Variants in CSGALNACT2 observed in about 807,000 individuals in gnomAD.
CSGALNACT2 encodes the protein chondroitin sulfate N-acetylgalactosaminyltransferase 2.
A neutral mutation model predicts 55.3 loss-of-function variants in CSGALNACT2; 35 were observed. The observed-to-expected ratio is 0.63, with a 90% CI of 0.48 to 0.84. CSGALNACT2 has a LOEUF of 0.84. CSGALNACT2 is among the 40% of genes least tolerant of loss of function. The probability of loss-of-function intolerance (pLI) is 0.00; values close to 1 mark genes in which losing one functional copy is unlikely to be tolerated. For missense variants in CSGALNACT2, 544 were observed against 657.5 expected, an observed-to-expected ratio of 0.83 and a Z score of 1.89; for synonymous variants, 196 against 224.9, an observed-to-expected ratio of 0.87 and a Z score of 1.15.
intron 1 of CSGALNACT2, among the ~76,000 whole-genome samples, chr10:43,141,350 T>C (rs1838617285): frequency 6.6e-6 from 1 of 151,936 alleles, no homozygotes; most frequent in African/African-American, 2.4e-5. Flanking sequence ...CCCGAGTAGC[T>C]GGGACTACAG....
At chr10:43,141,403 A>G (rs1472395062) in intron 1 of CSGALNACT2, among the ~76,000 whole-genome samples, 1 of 44,548 alleles carries the variant, frequency 2.2e-5, no homozygotes, top group East Asian at 2.7e-4. Flanking sequence ...TTTTTAGTAG[A>G]GACGGGTTTC....
chr10:43,176,023 C>G lies in CSGALNACT2; in HGVS notation c.1327C>G (p.Leu443Val), dbSNP rs1438206100. The G allele has an allele frequency of 6.2e-7, 1 of 1,606,810 alleles. No individual in the cohort carries two copies. The highest frequency in any genetic ancestry group is 8.5e-7 in the Non-Finnish European group (1 of 1,177,518). ...GACTTGTCAGTATCGTTCAGATTTC[C>G]TGACCATTGGTAAGTATACTTTACA... ...GMTCQYRSDF[L>V]TIGGFDMEVK... Residue 443 changes from leucine to valine, a missense_variant, in exon 7 of 8, where the codon CTG becomes GTG. Leu to Val is a conservative substitution (Grantham distance 32). Around this residue, in one of 2 missense-constraint regions of CSGALNACT2, gnomAD observed 170 missense variants for 256.2 expected, o/e 0.66. Coordinates refer to ENST00000374466, the MANE Select transcript of CSGALNACT2 (RefSeq NM_018590.5).
chr10:43,139,866 G>C (rs1433555752), intron 1 of CSGALNACT2, among the ~76,000 whole-genome samples: 2 of 152,198 alleles, frequency 1.3e-5, no homozygotes, highest in African/African-American at 4.8e-5. Flanking sequence ...GGACATTTAT[G>C]TTCCCAATTT....
At chr10:43,162,400 G>C in intron 4 of CSGALNACT2, 1 of 984,230 alleles carries the variant, frequency 1.0e-6, no homozygotes, top group East Asian at 1.1e-4. Context: ...CTTAAGCCTG[G>C]TCTCCACCCC....
In CSGALNACT2 at chr10:43,155,028, T is replaced by G; in HGVS notation, c.-122T>G. On this transcript the variant is annotated 5_prime_UTR_variant, in exon 2 of 8. It removes the in-frame stop codon of an upstream open reading frame in the 5' UTR. Transcript: ENST00000374466. ...CATGACTGCTGAAGAAAGAAAAACT[T>G]AAAGCTACGGCAGAATTATTTTATG... is the stretch of plus-strand genomic sequence containing the variant. 2.4e-6 allele frequency: 2 copies of G among 829,978 alleles called. No homozygotes were observed. The highest frequency in any genetic ancestry group is 3.8e-5 in the South Asian group (2 of 52,874). The allele number at this position is 829,978 out of a possible 1,614,324, so 51.4% of individuals were successfully genotyped here. A position where few individuals can be genotyped will look rare whatever the true frequency, so the allele number is the denominator to read the frequency against.
chr10:43,169,482 T>C (rs925956773), intron 6 of CSGALNACT2, among the ~76,000 whole-genome samples: 2 of 152,156 alleles, frequency 1.3e-5, no homozygotes, highest in Admixed American at 1.3e-4. Flanking sequence ...TTGGAAATTG[T>C]GAAAATATTT....
At chr10:43,160,205 T>C (rs567907930) in intron 3 of CSGALNACT2, among the ~76,000 whole-genome samples, 12 of 152,364 alleles carry the variant, frequency 7.9e-5, no homozygotes, top group African/African-American at 2.2e-4. Flanking sequence ...GTTGAGTTTA[T>C]TTCCTTGAAT....
chr10:43,154,709 G>A (rs547786497), intron 1 of CSGALNACT2, among the ~76,000 whole-genome samples, 188 bp from the exon 2 acceptor site: 56 of 151,464 alleles, frequency 3.7e-4, no homozygotes, highest in Non-Finnish European at 7.1e-4. Flanking sequence ...CCTGGGTGAC[G>A]GAGTGAGACT....
Position 43,155,232 on chromosome 10 carries a change from T to C in CSGALNACT2, c.83T>C (p.Phe28Ser), listed in dbSNP as rs1838967567. The C allele has an allele frequency of 1.2e-6, 2 of 1,614,148 alleles. No homozygotes were observed. The highest frequency in any genetic ancestry group is 1.1e-5 in the South Asian group (1 of 91,078). ...GCTTTGCTCTGCAGTTTGGTATTAT[T>C]TATGTACCTCCTGGAATGTGCCCCC... ...GLALLCSLVL[F>S]MYLLECAPQT... Residue 28 changes from phenylalanine (F) to serine (S), a missense_variant, in exon 2 of 8, where the codon TTT becomes TCT. Phe to Ser is a radical substitution (Grantham distance 155). Transcript: ENST00000374466.
At chr10:43,151,705 T>C (rs1211843661) in intron 1 of CSGALNACT2, among the ~76,000 whole-genome samples, 2 of 152,228 alleles carry the variant, frequency 1.3e-5, no homozygotes, top group Non-Finnish European at 2.9e-5. Flanking sequence ...CCTAGATACC[T>C]TGGTCTCTTC....
chr10:43,167,024 G>GT lies in CSGALNACT2; in HGVS notation c.1181dup (p.Val395GlyfsTer55). ...TGTAGGTAAGAAGGTGTTTTACCCT[G>GT]TGGTGTTCAGTCTTTACAATCCTGC... On this transcript the variant is annotated frameshift_variant, in exon 6 of 8. Coordinates refer to ENST00000374466, the MANE Select transcript of CSGALNACT2 (RefSeq NM_018590.5). LOFTEE classifies it high-confidence loss of function. The GT allele has an allele frequency of 6.2e-7, 1 of 1,610,634 alleles. No homozygotes were observed. Among genetic ancestry groups the GT allele is most frequent in the Non-Finnish European group, 8.5e-7 (1 of 1,177,206 alleles).
intron 7 of CSGALNACT2, among the ~76,000 whole-genome samples, chr10:43,179,389 G>C (rs866727341): frequency 5.6e-5 from 8 of 144,070 alleles, no homozygotes; most frequent in Non-Finnish European, 1.1e-4. Context: ...CCACGGCTTG[G>C]TTTTTTTTTT....
chr10:43,158,759 T>C lies in CSGALNACT2; in HGVS notation c.706T>C (p.Phe236Leu). Residue 236 changes from phenylalanine to leucine, a missense_variant, in exon 3 of 8, where the codon TTT becomes CTT. By Grantham distance (22) the Phe-to-Leu change is conservative. Around this residue, in one of 2 missense-constraint regions of CSGALNACT2, gnomAD observed 374 missense variants for 401.3 expected, o/e 0.93. Transcript: ENST00000374466. ...ERDKGTQYEL[F>L]FKKADLTEYR... ...AGATAAGGGCACACAGTATGAACTC[T>C]TTTTTAAGAAAGCAGACCTTACGGA... is the stretch of plus-strand genomic sequence containing the variant. The C allele has an allele frequency of 1.2e-6, 2 of 1,612,322 alleles. No homozygotes were observed. Among genetic ancestry groups the C allele is most frequent in the Non-Finnish European group, 1.7e-6 (2 of 1,178,572 alleles).
At chr10:43,138,610 G>T (rs1389147033) in intron 1 of CSGALNACT2, 43 bp downstream of exon 1, 1 of 151,294 alleles carries the variant, frequency 6.6e-6, no homozygotes, top group Non-Finnish European at 1.5e-5. Context: ...CGCGACTCCC[G>T]CCGGCTCCGG....
rs1265924723 is a variant in CSGALNACT2, at chr10:43,138,569, T to G, written c.-254+2T>G. ...TGGAGCGCAGAGCGGGCGAGCGCGG[T>G]GAGTACCTGGCCCGGCCTCGCCCGC... On this transcript the variant is annotated splice_donor_variant, in intron 1 of 7. Coordinates refer to ENST00000374466, the MANE Select transcript of CSGALNACT2 (RefSeq NM_018590.5). LOFTEE classifies it low-confidence loss of function (5UTR_SPLICE). The G allele has an allele frequency of 1.3e-5, 2 of 150,444 alleles. No homozygotes were observed. The highest frequency in any genetic ancestry group is 3.0e-5 in the Non-Finnish European group (2 of 67,550). The allele number at this position is 150,444 out of a possible 1,614,324, so 9.3% of individuals were successfully genotyped here.
intron 6 of CSGALNACT2, among the ~76,000 whole-genome samples, chr10:43,173,719 G>A (rs544347509): frequency 2.0e-5 from 3 of 152,286 alleles, no homozygotes; most frequent in South Asian, 4.1e-4. Flanking sequence ...AGAGACAGGA[G>A]TGGTGGCTCA....
Position 43,167,052 on chromosome 10 carries a change from T to C in CSGALNACT2, c.1208T>C (p.Ile403Thr). ...PVVFSLYNPA[I>T]VYANQEVPPP... is the part of the protein sequence containing the mutation. ...GTGTTCAGTCTTTACAATCCTGCCA[T>C]TGTTTATGCCAACCAGGAAGTGCCA... The change falls in exon 6 of 8, where the codon ATT becomes ACT. Residue 403 changes from isoleucine to threonine, a missense_variant. Around this residue, in one of 2 missense-constraint regions of CSGALNACT2, gnomAD observed 170 missense variants for 256.2 expected, o/e 0.66. Transcript: ENST00000374466. 1.9e-6 allele frequency: 3 copies of C among 1,613,500 alleles called. No individual in the cohort carries two copies. The highest frequency in any genetic ancestry group is 2.5e-6 in the Non-Finnish European group (3 of 1,179,480).
At position 43,155,031 on chromosome 10, in the gene CSGALNACT2, A is replaced by C. The variant is rs1838961986; in HGVS notation, c.-119A>C. ...GACTGCTGAAGAAAGAAAAACTTAAAGCTACGGCAGAATTATTTTATGGAA... is the reference window on the plus strand; with the variant it reads ...GACTGCTGAAGAAAGAAAAACTTAACGCTACGGCAGAATTATTTTATGGAA... On this transcript the variant is annotated 5_prime_UTR_variant, in exon 2 of 8. Transcript: ENST00000374466. 1.2e-6 allele frequency: 1 copy of C among 838,872 alleles called. No homozygotes were observed. The highest frequency in any genetic ancestry group is 1.9e-5 in the South Asian group (1 of 53,372). 52.0% of individuals were successfully genotyped at this position (838,872 alleles called of 1,614,324 possible).
At chr10:43,167,384 AGC>A (rs1440517405) in intron 6 of CSGALNACT2, among the ~76,000 whole-genome samples, 1,778 of 152,290 alleles carry the variant, frequency 0.012, 37 homozygotes, top group African/African-American at 0.04. Flanking sequence ...CATTTCTACC[AGC>A]TTATTTTTAC....
Sources: gnomAD v4.1 joint callset for allele counts (sites outside exome capture counted in the v4.1 genomes callset) on GRCh38, gnomAD v4.1.1 for gene constraint, gnomAD v4.1.1 regional missense constraint, MANE v1.5 for transcripts, NCBI Gene and HGNC (gene_info 2026-07-23, HGNC 2026-07-21) for gene names.